Variants in DDHD1 observed in about 807,000 individuals in gnomAD.
The protein encoded by DDHD1 is DDHD domain containing 1.
In DDHD1, 49 loss-of-function variants were observed where a neutral mutation model predicts 96.4. The ratio of observed to expected loss-of-function variants is 0.51; its 90% CI spans 0.40 to 0.64. The LOEUF is 0.64. Among genes scored for constraint, DDHD1 ranks in the 30% least tolerant of loss-of-function variants. The probability of loss-of-function intolerance (pLI) is 0.00; values close to 1 mark genes in which losing one functional copy is unlikely to be tolerated. For synonymous variants in DDHD1, 442 were observed against 446.5 expected (o/e 0.99, Z 0.13); for missense variants, 1,106 against 1,161.2 (o/e 0.95, Z 0.69).
Position 53,152,958 on chromosome 14 carries a change from C to T in DDHD1, c.141G>A (p.Gly47=). ...GVCCFEHLPG[G]DPDDGDVPLA... is the part of the protein sequence containing the mutation. ...GGGGCACGTCGCCGTCGTCCGGGTCCCCGCCGGGCAGGTGCTCGAAGCAGC... is the reference window on the plus strand; with the variant it reads ...GGGGCACGTCGCCGTCGTCCGGGTCTCCGCCGGGCAGGTGCTCGAAGCAGC... The change falls in exon 1 of 13, where the codon GGG becomes GGA. Residue 47 remains glycine (G), a synonymous_variant. Transcript: ENST00000673822. 6.3e-7 allele frequency: 1 copy of T among 1,589,010 alleles called. No individual in the cohort carries two copies. The highest frequency in any genetic ancestry group is 1.4e-5 in the African/African-American group (1 of 73,828).
intron 2 of DDHD1, among the ~76,000 whole-genome samples, chr14:53,095,818 C>T (rs909036360): frequency 1.2e-4 from 18 of 152,074 alleles, no homozygotes; most frequent in Non-Finnish European, 2.5e-4. Context: ...ATGCTTAAAA[C>T]GTTAAACTAT....
At chr14:53,100,262 G>A (rs1887199106) in intron 2 of DDHD1, among the ~76,000 whole-genome samples, 1 of 151,976 alleles carries the variant, frequency 6.6e-6, no homozygotes, top group South Asian at 2.1e-4. Context: ...GAACACTTGA[G>A]CCCAGGAGTT....
rs1595289971 is a variant in DDHD1 at position 53,152,969 on chromosome 14, G to A, written c.130C>T (p.Leu44=). 1.3e-6 allele frequency: 2 copies of A among 1,581,190 alleles called. No homozygotes were observed. Among genetic ancestry groups the A allele is most frequent in the African/African-American group, 1.4e-5 (1 of 73,750 alleles). Residue 44 remains leucine, a synonymous_variant, in exon 1 of 13, where the codon CTG becomes TTG. Transcript: ENST00000673822. ...FGGGVCCFEH[L]PGGDPDDGDV... ...CCGTCGTCCGGGTCCCCGCCGGGCA[G>A]GTGCTCGAAGCAGCAGACGCCGCCG...
intron 11 of DDHD1, chr14:53,052,875 CAAAAT>C (rs1170075499): frequency 6.6e-6 from 1 of 151,316 alleles, no homozygotes; most frequent in African/African-American, 2.4e-5. Flanking sequence ...GTTAAGCTCT[CAAAAT>C]AAAAAGATGC....
chr14:53,088,661 G>A (rs984374794), intron 4 of DDHD1, among the ~76,000 whole-genome samples: 3 of 152,180 alleles, frequency 2.0e-5, no homozygotes, highest in Admixed American at 2.0e-4. Context: ...GGTATTGATG[G>A]AACATATCTC....
intron 4 of DDHD1, among the ~76,000 whole-genome samples, chr14:53,087,268 C>T (rs1033136110): frequency 1.3e-5 from 2 of 152,114 alleles, no homozygotes; most frequent in Non-Finnish European, 2.9e-5. Flanking sequence ...AGAAGGTTAA[C>T]AAGGATATCC....
chr14:53,054,696 C>A (rs1882890540), intron 10 of DDHD1, 67 bp from the exon 11 acceptor site: 1 of 1,501,970 alleles, frequency 6.7e-7, no homozygotes, highest in Non-Finnish European at 9.1e-7. Flanking sequence ...AAGAGCACCA[C>A]CCATAATTAT....
At chr14:53,121,422 C>G (rs752340628) in intron 1 of DDHD1, among the ~76,000 whole-genome samples, 1 of 152,140 alleles carries the variant, frequency 6.6e-6, no homozygotes. Flanking sequence ...CCAGCAATCC[C>G]GTTACTGGGT....
intron 1 of DDHD1, among the ~76,000 whole-genome samples, chr14:53,133,614 C>T (rs1402990429): frequency 1.3e-5 from 2 of 152,188 alleles, no homozygotes; most frequent in African/African-American, 2.4e-5. Flanking sequence ...ACTTGCCCTT[C>T]TCAGAATTCG....
intron 1 of DDHD1, among the ~76,000 whole-genome samples, chr14:53,150,463 G>C (rs1891267650): frequency 6.6e-6 from 1 of 152,200 alleles, no homozygotes; most frequent in Admixed American, 6.5e-5. Context: ...GTATTAATTT[G>C]CTATCACTGT....
intron 7 of DDHD1, 97 bp downstream of exon 7, chr14:53,062,846 A>T: frequency 7.8e-7 from 1 of 1,287,364 alleles, no homozygotes; most frequent in Non-Finnish European, 1.1e-6. Context: ...TGAACAATGC[A>T]TTATTTCTTT....
chr14:53,093,103 T>C (rs1431513119), intron 3 of DDHD1: 2 of 323,220 alleles, frequency 6.2e-6, no homozygotes, highest in Non-Finnish European at 1.0e-5. Flanking sequence ...TTTATTAATT[T>C]TGTCAAATCA....
Position 53,046,594 on chromosome 14 carries a change from T to G in DDHD1, c.*174A>C, listed in dbSNP as rs1479710053. ...AATGATGCAAACTGTAAATGACTTC[T>G]TCAGAACTGAAAACTTCTTTTTTTT... On this transcript the variant is annotated 3_prime_UTR_variant, in exon 13 of 13. Transcript: ENST00000673822. The G allele has an allele frequency of 4.7e-5, 20 of 427,862 alleles. No individual in the cohort carries two copies. Among genetic ancestry groups the G allele is most frequent in the Non-Finnish European group, 7.0e-5 (17 of 242,478 alleles). The allele number at this position is 427,862 out of a possible 1,614,324, so 26.5% of individuals were successfully genotyped here.
In DDHD1 at chr14:53,145,254, T is replaced by C. The variant is rs558642009; in HGVS notation, c.838+7007A>G. Reference sequence around the variant, plus strand: ...TGGATCATCCCTGCAGTCCCAGCGCTGTGGGAGGCTGAGGCAGGAGGGCTG... The same window carrying C: ...TGGATCATCCCTGCAGTCCCAGCGCCGTGGGAGGCTGAGGCAGGAGGGCTG... On this transcript the variant is annotated intron_variant, in intron 1 of 12. Transcript: ENST00000673822. Among the ~76,000 whole-genome samples the C allele has an allele frequency of 6.6e-5, 10 of 152,226 alleles. No homozygotes were observed. The East Asian group carries it at 1.9e-3, about 29-fold the overall frequency.
intron 1 of DDHD1, among the ~76,000 whole-genome samples, chr14:53,147,090 G>A (rs150377624): frequency 6.6e-6 from 1 of 152,044 alleles, no homozygotes; most frequent in Non-Finnish European, 1.5e-5. Context: ...TAGGCTTCCT[G>A]TGAATAATAC....
rs769805033 is a variant in DDHD1, at chr14:53,063,233, A to G, written c.1504-28T>C. ...GTTTGAAATAAGAAAACATTATCATATTAGACTTGTCACTGACTACTATAC... is the reference window on the plus strand; with the variant it reads ...GTTTGAAATAAGAAAACATTATCATGTTAGACTTGTCACTGACTACTATAC... On this transcript the variant is annotated intron_variant, in intron 6 of 12. Coordinates refer to ENST00000673822, the MANE Select transcript of DDHD1 (RefSeq NM_001160148.2). 3 of 1,603,472 alleles carry G rather than the reference A, an allele frequency of 1.9e-6. No homozygotes were observed. In the South Asian group the frequency reaches 3.3e-5, roughly 18 times the overall value.
Position 53,055,847 on chromosome 14 carries a change from C to T in DDHD1, c.2058G>A (p.Trp686Ter), listed in dbSNP as rs1421866418. 1 of 1,613,288 alleles carries T rather than the reference C, an allele frequency of 6.2e-7. No homozygotes were observed. The highest frequency in any genetic ancestry group is 8.5e-7 in the Non-Finnish European group (1 of 1,179,628). Residue 686 changes from tryptophan to a stop codon, truncating the protein, a stop_gained, in exon 10 of 13, where the codon TGG becomes TGA. Coordinates refer to ENST00000673822, the MANE Select transcript of DDHD1 (RefSeq NM_001160148.2). LOFTEE classifies it high-confidence loss of function. ...YSNISPVQIH[W>*]YNTSNPLPYE... is the part of the protein sequence containing the mutation. The stretch of plus-strand genomic sequence containing the variant: ...AAGGTAAAGGATTTGAAGTATTGTA[C>T]CAGTGGATCTGGACAGGTGAAATGT...
intron 1 of DDHD1, among the ~76,000 whole-genome samples, chr14:53,127,267 C>T (rs1889524409): frequency 6.6e-6 from 1 of 152,256 alleles, no homozygotes; most frequent in South Asian, 2.1e-4. Context: ...TCATTATCTG[C>T]TCAAATCGTG....
intron 1 of DDHD1, among the ~76,000 whole-genome samples, chr14:53,130,516 C>A (rs1465012869): frequency 1.3e-5 from 2 of 152,244 alleles, no homozygotes; most frequent in East Asian, 3.9e-4. Context: ...ATTAACCTCG[C>A]CTTCAAAGTG....
Sources: gnomAD v4.1 joint callset for allele counts (sites outside exome capture counted in the v4.1 genomes callset) on GRCh38, gnomAD v4.1.1 for gene constraint, MANE v1.5 for transcripts, NCBI Gene and HGNC (gene_info 2026-07-23, HGNC 2026-07-21) for gene names.